Variants in ADGRG6 observed in about 807,000 individuals in gnomAD.
ADGRG6 encodes adhesion G protein-coupled receptor G6, also known as G-protein coupled receptor 126.
ADGRG6 carries 84 observed loss-of-function variants against 142.4 expected under a neutral mutation model. The observed-to-expected ratio is 0.59, with a 90% confidence interval of 0.49 to 0.71. The LOEUF (loss-of-function observed/expected upper bound fraction) is 0.71. Among genes scored for constraint, ADGRG6 ranks in the 30% least tolerant of loss-of-function variants. The pLI is 0.00. For missense variants in ADGRG6, 1,367 were observed against 1,466.6 expected (o/e 0.93, Z 1.11); for synonymous variants, 521 against 520.5 (o/e 1.00, Z -0.01).
At chr6:142,309,726 C>T in intron 2 of ADGRG6, 82 bp downstream of exon 2, 4 of 874,266 alleles carry the variant, frequency 4.6e-6, no homozygotes, top group Non-Finnish European at 6.7e-6. Context: ...ATTTATGTTG[C>T]CTTACTTTTA....
At chr6:142,426,962 T>G (rs1176455898) in intron 22 of ADGRG6, among the ~76,000 whole-genome samples, 2 of 152,156 alleles carry the variant, frequency 1.3e-5, no homozygotes, top group East Asian at 3.9e-4. Context: ...ATGGGGACTC[T>G]GAGCCTGACC....
rs562474541 is a variant in ADGRG6 at position 142,367,963 on chromosome 6, C to A, written c.445+53C>A. The A allele has an allele frequency of 8.2e-6, 8 of 979,786 alleles. No individual in the cohort carries two copies. In the East Asian group the frequency reaches 1.9e-4, roughly 23 times the overall value. 60.7% of individuals were successfully genotyped at this position (979,786 alleles called of 1,614,324 possible). On this transcript the variant is annotated intron_variant, in intron 3 of 24. Coordinates refer to ENST00000367609, the MANE Select transcript of ADGRG6 (RefSeq NM_198569.3). ...TTCTGCTTTTATTTAACATGTTCTGCAGTAAACACAAGGACCAGAAGACAG... is the reference window on the plus strand; with the variant it reads ...TTCTGCTTTTATTTAACATGTTCTGAAGTAAACACAAGGACCAGAAGACAG...
At chr6:142,331,683 GGAATA>G (rs1447261638) in intron 2 of ADGRG6, among the ~76,000 whole-genome samples, 6 of 152,052 alleles carry the variant, frequency 3.9e-5, no homozygotes, top group Non-Finnish European at 8.8e-5. Context: ...CAGTGTTAAT[GGAATA>G]GAATAATGAA....
At chr6:142,365,035 G>A (rs367904895) in intron 2 of ADGRG6, among the ~76,000 whole-genome samples, 4 of 152,122 alleles carry the variant, frequency 2.6e-5, no homozygotes, top group East Asian at 1.9e-4. Context: ...TGCATGTTGC[G>A]ATGACAGAGG....
Position 142,437,656 on chromosome 6 carries a change from A to G in ADGRG6, c.3421+121A>G. The G allele has an allele frequency of 7.8e-6, 5 of 642,902 alleles. No individual in the cohort carries two copies. In the South Asian group the frequency reaches 8.7e-5, roughly 11 times the overall value. The allele number at this position is 642,902 out of a possible 1,614,324, so 39.8% of individuals were successfully genotyped here. A position where few individuals can be genotyped will look rare whatever the true frequency, so the allele number is the denominator to read the frequency against. On this transcript the variant is annotated intron_variant, in intron 23 of 24. Coordinates refer to ENST00000367609, the MANE Select transcript of ADGRG6 (RefSeq NM_198569.3). Reference sequence around the variant, plus strand: ...CAAGCTATTGAAGTGGAGCATGTGAAGATGCGTAGTTGGAATCATAGAATA... The same window carrying G: ...CAAGCTATTGAAGTGGAGCATGTGAGGATGCGTAGTTGGAATCATAGAATA...
At chr6:142,429,666 A>G (rs1777118972) in intron 22 of ADGRG6, among the ~76,000 whole-genome samples, 1 of 152,168 alleles carries the variant, frequency 6.6e-6, no homozygotes, top group Non-Finnish European at 1.5e-5. Context: ...CATCTAGACT[A>G]ATTTGGTCAA....
chr6:142,405,629 T>G, intron 14 of ADGRG6, 59 bp from the exon 15 acceptor site: 1 of 1,381,316 alleles, frequency 7.2e-7, no homozygotes, highest in Non-Finnish European at 1.0e-6. Flanking sequence ...ACATGTGGAA[T>G]AAAGTTATTA....
At chr6:142,329,433 A>C (rs1778932869) in intron 2 of ADGRG6, among the ~76,000 whole-genome samples, 1 of 152,108 alleles carries the variant, frequency 6.6e-6, no homozygotes, top group African/African-American at 2.4e-5. Flanking sequence ...TATTTTCTTC[A>C]TTTTTCTCTA....
rs1445562842 is a variant in ADGRG6 at position 142,426,030 on chromosome 6, C to A, written c.3319+5926C>A. Among the ~76,000 whole-genome samples the A allele has an allele frequency of 3.3e-5, 5 of 152,128 alleles. No individual in the cohort carries two copies. The East Asian group carries it at 9.6e-4, about 29-fold the overall frequency. ...TGTGGGAATTGTGGGAGTTACAATT[C>A]AAGATGAGACTTGGGTGGGAACACA... is the stretch of plus-strand genomic sequence containing the variant. On this transcript the variant is annotated intron_variant, in intron 22 of 24. Coordinates refer to ENST00000367609, the MANE Select transcript of ADGRG6 (RefSeq NM_198569.3).
At chr6:142,392,800 A>G (rs1166394092) in intron 7 of ADGRG6, 148 bp from the exon 8 acceptor site, 5 of 610,902 alleles carry the variant, frequency 8.2e-6, no homozygotes, top group African/African-American at 1.9e-5. Flanking sequence ...TAACTGTTAC[A>G]ATGATCCATT....
At position 142,370,432 on chromosome 6, in the gene ADGRG6, A is replaced by C. The variant is rs201621259; in HGVS notation, c.708A>C (p.Ala236=). ...ATTCAAAATGTTTGTTGAATAATGCATTACCTGTCAAAGAAAAAGAAGACA... is the reference window on the plus strand; with the variant it reads ...ATTCAAAATGTTTGTTGAATAATGCCTTACCTGTCAAAGAAAAAGAAGACA... ...ISDSKCLLNN[A]LPVKEKEDIF... is the part of the protein sequence containing the mutation. Residue 236 remains alanine (A), a synonymous_variant, in exon 4 of 25, where the codon GCA becomes GCC. Transcript: ENST00000367609. 3.4e-4 allele frequency: 541 copies of C among 1,613,594 alleles called. 2 individuals are homozygous for C. The highest frequency in any genetic ancestry group is 1.3e-3 in the Middle Eastern group (8 of 6,084).
At chr6:142,438,080 C>G (rs1198564416) in intron 23 of ADGRG6, 132 bp from the exon 24 acceptor site, 1 of 569,358 alleles carries the variant, frequency 1.8e-6, no homozygotes, top group East Asian at 3.0e-5. Context: ...ACATGTCAGT[C>G]TCTTCTCTGA....
intron 2 of ADGRG6, among the ~76,000 whole-genome samples, chr6:142,326,230 A>G (rs1778771022): frequency 6.6e-6 from 1 of 151,970 alleles, no homozygotes; most frequent in African/African-American, 2.4e-5. Context: ...TTCTGGAACA[A>G]TTCATGTACA....
rs138263894 is a variant in ADGRG6, at chr6:142,315,701, C to T, written c.103+6057C>T. Among the ~76,000 whole-genome samples, 189 of 151,868 alleles carry T rather than the reference C, an allele frequency of 1.2e-3. 1 individual carries two copies. The highest frequency in any genetic ancestry group is 2.2e-3 in the Admixed American group (34 of 15,228). On this transcript the variant is annotated intron_variant, in intron 2 of 24. Transcript: ENST00000367609. Reference sequence around the variant, plus strand: ...CAAAAATTAGCCTGGTGTGGTGGTGCGCGCCTGTAATCCCAGCTACTCGGG... The same window carrying T: ...CAAAAATTAGCCTGGTGTGGTGGTGTGCGCCTGTAATCCCAGCTACTCGGG...
chr6:142,355,963 G>C (rs2114798192), intron 2 of ADGRG6, among the ~76,000 whole-genome samples: 1 of 152,300 alleles, frequency 6.6e-6, no homozygotes, highest in African/African-American at 2.4e-5. Flanking sequence ...GGCCCCCTGG[G>C]GCATAGGTAA....
chr6:142,429,260 T>G (rs1300292472), intron 22 of ADGRG6, among the ~76,000 whole-genome samples: 1 of 152,204 alleles, frequency 6.6e-6, no homozygotes, highest in East Asian at 1.9e-4. Context: ...CAAATATCAA[T>G]GAAGTGTCCC....
At chr6:142,439,950 A>C (rs1407555598) in intron 24 of ADGRG6, among the ~76,000 whole-genome samples, 1 of 152,168 alleles carries the variant, frequency 6.6e-6, no homozygotes. Flanking sequence ...TTAAAATTTG[A>C]TACTCATTTT....
chr6:142,401,111 C>T (rs1180792908), intron 11 of ADGRG6, among the ~76,000 whole-genome samples: 1 of 152,118 alleles, frequency 6.6e-6, no homozygotes, highest in Non-Finnish European at 1.5e-5. Flanking sequence ...AAGTCAAATC[C>T]ATTTCTCTAC....
chr6:142,356,602 C>CT (rs1352187590), intron 2 of ADGRG6, among the ~76,000 whole-genome samples: 2 of 152,176 alleles, frequency 1.3e-5, no homozygotes, highest in Non-Finnish European at 2.9e-5. Flanking sequence ...TCCTTGGAAA[C>CT]TTTTTTGTAG....
Sources: gnomAD v4.1 joint callset for allele counts (sites outside exome capture counted in the v4.1 genomes callset) on GRCh38, gnomAD v4.1.1 for gene constraint, MANE v1.5 for transcripts, NCBI Gene and HGNC (gene_info 2026-07-23, HGNC 2026-07-21) for gene names.